Variants in CTNNA3 observed in about 807,000 individuals in gnomAD.
The protein encoded by CTNNA3 is catenin alpha-3.
CTNNA3 carries 76 observed loss-of-function variants against 95.7 expected under a neutral mutation model. The observed-to-expected ratio is 0.79, with a 90% CI of 0.66 to 0.96. CTNNA3 has a LOEUF of 0.96. CTNNA3 is among the 40% of genes least tolerant of loss of function. CTNNA3 has a pLI of 0.00. For synonymous variants in CTNNA3, 431 were observed against 374.4 expected (o/e 1.15, Z -1.74); for missense variants, 1,191 against 1,089.8 (o/e 1.09, Z -1.31).
intron 9 of CTNNA3, among the ~76,000 whole-genome samples, chr10:66,685,663 C>A (rs1451321557): frequency 5.3e-5 from 8 of 151,458 alleles, no homozygotes; most frequent in Non-Finnish European, 1.2e-4. Flanking sequence ...TGAGACACCG[C>A]ACCAGGCCAA....
At chr10:67,719,417 G>C (rs915363778) in intron 1 of CTNNA3, among the ~76,000 whole-genome samples, 5 of 151,956 alleles carry the variant, frequency 3.3e-5, no homozygotes, top group Admixed American at 2.6e-4. Context: ...GGTCTTTCCT[G>C]CTTTCTTTTG....
rs190088287 is a variant in CTNNA3, at chr10:66,744,112, G to A, written c.1281+22152C>T. Reference sequence around the variant, plus strand: ...GACTACTATGACAGAGCAAATGCACGCTCTCAGACCTATGAGCTTCTAAAA... The same window carrying A: ...GACTACTATGACAGAGCAAATGCACACTCTCAGACCTATGAGCTTCTAAAA... On this transcript the variant is annotated intron_variant, in intron 9 of 17. Coordinates refer to ENST00000433211, the MANE Select transcript of CTNNA3 (RefSeq NM_013266.4). Among the ~76,000 whole-genome samples the A allele has an allele frequency of 2.8e-3, 423 of 151,800 alleles. 2 individuals are homozygous for A. The highest frequency in any genetic ancestry group is 9.4e-3 in the African/African-American group (390 of 41,372).
chr10:67,433,420 G>A (rs1028614569), intron 5 of CTNNA3, among the ~76,000 whole-genome samples: 2 of 151,980 alleles, frequency 1.3e-5, no homozygotes, highest in Non-Finnish European at 2.9e-5. Context: ...TTGAAATATT[G>A]CAAGAATTAC....
At position 67,680,894 on chromosome 10, in the gene CTNNA3, C is replaced by T. The variant is rs572613329; in HGVS notation, c.-6+15106G>A. On this transcript the variant is annotated intron_variant, in intron 1 of 17. Transcript: ENST00000433211. Reference sequence around the variant, plus strand: ...TGAATATTAGCTGTGTATCAACCACCGGAGGCACTTCTTAAAAATACAAAT... The same window carrying T: ...TGAATATTAGCTGTGTATCAACCACTGGAGGCACTTCTTAAAAATACAAAT... 6.6e-5 allele frequency among the ~76,000 whole-genome samples: 10 copies of T among 152,186 alleles called. No individual in the cohort carries two copies. The South Asian group carries it at 8.3e-4, about 13-fold the overall frequency.
chr10:67,429,111 T>G (rs1174456904), intron 5 of CTNNA3, among the ~76,000 whole-genome samples: 2 of 152,022 alleles, frequency 1.3e-5, no homozygotes, highest in Non-Finnish European at 2.9e-5. Context: ...GATATGGCAA[T>G]CACACATTAA....
Position 67,557,074 on chromosome 10 carries a change from T to C in CTNNA3, c.293-17405A>G, listed in dbSNP as rs189351392. On this transcript the variant is annotated intron_variant, in intron 3 of 17. Coordinates refer to ENST00000433211, the MANE Select transcript of CTNNA3 (RefSeq NM_013266.4). ...ATGTAGTTGAGCAGTTTTGAGTTAG[T>C]TTCTTAATCCTGACTTCTAGTTTGA... 4.7e-4 allele frequency among the ~76,000 whole-genome samples: 72 copies of C among 152,312 alleles called. 1 individual carries two copies. Among genetic ancestry groups the C allele is most frequent in the Admixed American group, 1.6e-3 (25 of 15,298 alleles).
At chr10:66,883,512 C>A (rs112215562) in intron 7 of CTNNA3, among the ~76,000 whole-genome samples, 45 of 152,274 alleles carry the variant, frequency 3.0e-4, no homozygotes, top group African/African-American at 1.1e-3. Flanking sequence ...TTATCACACA[C>A]CTGTTGCACC....
chr10:67,617,996 A>C (rs1843708857), intron 2 of CTNNA3, among the ~76,000 whole-genome samples: 1 of 152,120 alleles, frequency 6.6e-6, no homozygotes, highest in Non-Finnish European at 1.5e-5. Context: ...ATTTCAAAAA[A>C]TGAGAAGAAA....
At chr10:66,326,211 T>C (rs1304700847) in intron 12 of CTNNA3, among the ~76,000 whole-genome samples, 1 of 152,116 alleles carries the variant, frequency 6.6e-6, no homozygotes, top group African/African-American at 2.4e-5. Context: ...GAGCAGAATG[T>C]ATCAAACAGC....
intron 5 of CTNNA3, among the ~76,000 whole-genome samples, chr10:67,475,324 A>G (rs745858666): frequency 3.6e-4 from 55 of 152,336 alleles, no homozygotes; most frequent in Non-Finnish European, 5.1e-4. Flanking sequence ...ACTGTTCCAT[A>G]TTTTTATTGT....
At chr10:67,097,049 C>T (rs141424935) in intron 7 of CTNNA3, among the ~76,000 whole-genome samples, 80 of 151,902 alleles carry the variant, frequency 5.3e-4, no homozygotes, top group Middle Eastern at 6.8e-3. Flanking sequence ...AGTCCAGCAT[C>T]ATATAGGAAC....
At chr10:66,892,641 G>C (rs1845317412) in intron 7 of CTNNA3, among the ~76,000 whole-genome samples, 1 of 152,018 alleles carries the variant, frequency 6.6e-6, no homozygotes, top group South Asian at 2.1e-4. Flanking sequence ...GGCATCCAGG[G>C]TTAAACTTCA....
intron 7 of CTNNA3, among the ~76,000 whole-genome samples, chr10:67,045,676 G>A (rs1032018643): frequency 1.3e-5 from 2 of 152,152 alleles, no homozygotes; most frequent in Non-Finnish European, 2.9e-5. Flanking sequence ...GTCCTGGCGC[G>A]GGATGGGGCG....
intron 1 of CTNNA3, among the ~76,000 whole-genome samples, chr10:67,727,558 A>T (rs1589582928): frequency 7.7e-6 from 1 of 129,040 alleles, no homozygotes; most frequent in African/African-American, 2.8e-5. Context: ...GATCATATAT[A>T]ATATATAATA....
intron 9 of CTNNA3, among the ~76,000 whole-genome samples, chr10:66,635,204 A>G (rs1845293954): frequency 6.6e-6 from 1 of 152,110 alleles, no homozygotes; most frequent in Admixed American, 6.6e-5. Context: ...TTAATATAAT[A>G]AACAGTACCA....
intron 5 of CTNNA3, among the ~76,000 whole-genome samples, chr10:67,411,623 GCA>G (rs1214827471): frequency 2.0e-5 from 3 of 152,104 alleles, no homozygotes; most frequent in African/African-American, 7.2e-5. Flanking sequence ...GTAGATCAAT[GCA>G]CAGTTTTCTG....
chr10:66,399,010 A>G (rs1367314925), intron 11 of CTNNA3, among the ~76,000 whole-genome samples: 1 of 151,984 alleles, frequency 6.6e-6, no homozygotes, highest in African/African-American at 2.4e-5. Flanking sequence ...TCCTTTTCCA[A>G]TCATGTCTGT....
chr10:66,533,720 A>G (rs1199978321), intron 10 of CTNNA3, among the ~76,000 whole-genome samples: 1 of 152,086 alleles, frequency 6.6e-6, no homozygotes. Context: ...GGCTTTTCCC[A>G]AGTGATCAAG....
At chr10:67,365,688 G>A (rs571702679) in intron 5 of CTNNA3, among the ~76,000 whole-genome samples, 29 of 152,268 alleles carry the variant, frequency 1.9e-4, no homozygotes, top group South Asian at 6.2e-4. Flanking sequence ...ACCATCTCAC[G>A]CCAGTTAGAA....
Sources: allele counts gnomAD v4.1 joint callset (sites outside exome capture counted in the v4.1 genomes callset), GRCh38; gene constraint gnomAD v4.1.1; transcripts MANE v1.5; gene names NCBI Gene and HGNC (gene_info 2026-07-23, HGNC 2026-07-21).